Variants in TENM3 observed in about 807,000 individuals in gnomAD.
The protein encoded by TENM3 is teneurin-3.
A neutral mutation model predicts 255.1 loss-of-function variants in TENM3; 63 were observed. That is an observed-to-expected ratio of 0.25 (90% CI 0.20 to 0.30). The LOEUF (loss-of-function observed/expected upper bound fraction) is 0.30. Among genes scored for constraint, TENM3 ranks in the 10% least tolerant of loss-of-function variants. The pLI, the probability that TENM3 is intolerant of heterozygous loss-of-function variation, is 1.00. For missense variants in TENM3, 2,929 were observed against 3,461.1 expected (o/e 0.85, Z 3.86); for synonymous variants, 1,306 against 1,322.3 (o/e 0.99, Z 0.27).
the TENM3 span, among the ~76,000 whole-genome samples, chr4:181,518,299 G>GT: frequency 4.6e-5 from 7 of 151,692 alleles, no homozygotes; most frequent in South Asian, 2.1e-4. Context: ...CAGCATGTGG[G>GT]GTTTTTTTTT....
At chr4:182,564,169 C>T (rs1284049382) in intron 3 of TENM3, among the ~76,000 whole-genome samples, 1 of 152,140 alleles carries the variant, frequency 6.6e-6, no homozygotes, top group African/African-American at 2.4e-5. Flanking sequence ...GATAGGGATT[C>T]ACTGCTTTCT....
intron 22 of TENM3, among the ~76,000 whole-genome samples, chr4:182,756,850 C>A (rs760218415): frequency 6.6e-6 from 1 of 152,138 alleles, no homozygotes; most frequent in Non-Finnish European, 1.5e-5. Context: ...ATTCCTTTTG[C>A]TCATTTTAGT....
intron 24 of TENM3, among the ~76,000 whole-genome samples, chr4:182,788,476 A>T (rs1765855526): frequency 6.6e-6 from 1 of 152,204 alleles, no homozygotes; most frequent in Non-Finnish European, 1.5e-5. Context: ...GATCATGTGT[A>T]TGTGTTAGTA....
intron 12 of TENM3, among the ~76,000 whole-genome samples, chr4:182,705,160 AT>A (rs1396195820): frequency 6.6e-6 from 1 of 152,196 alleles, no homozygotes; most frequent in Non-Finnish European, 1.5e-5. Context: ...AGTGGATTTA[AT>A]ATGTACGTAT....
chr4:182,767,471 ATTGT>A (rs1460671290), intron 22 of TENM3, among the ~76,000 whole-genome samples: 1 of 151,940 alleles, frequency 6.6e-6, no homozygotes, highest in Non-Finnish European at 1.5e-5. Context: ...GATGGAGGGG[ATTGT>A]TTGTTTTTGT....
the TENM3 span, among the ~76,000 whole-genome samples, chr4:181,902,824 AC>A: frequency 6.6e-6 from 1 of 152,172 alleles, no homozygotes; most frequent in African/African-American, 2.4e-5. Context: ...TGTTATCCAG[AC>A]ACACATACAT....
the TENM3 span, among the ~76,000 whole-genome samples, chr4:181,637,468 A>C: frequency 6.6e-6 from 1 of 152,202 alleles, no homozygotes; most frequent in Non-Finnish European, 1.5e-5. Context: ...TGCACATGAC[A>C]GTGGCAAAAC....
At chr4:182,082,249 C>T in the TENM3 span, among the ~76,000 whole-genome samples, 31 of 152,264 alleles carry the variant, frequency 2.0e-4, no homozygotes, top group South Asian at 4.1e-4. Flanking sequence ...CTCTCCATGT[C>T]CTCACATGGC....
intron 2 of TENM3, among the ~76,000 whole-genome samples, chr4:182,333,700 C>T (rs1255401536): frequency 6.6e-6 from 1 of 152,002 alleles, no homozygotes; most frequent in Non-Finnish European, 1.5e-5. Context: ...AATTATTATT[C>T]AAAATTGTTT....
chr4:181,513,588 C>CGGGAACAAT, the TENM3 span, among the ~76,000 whole-genome samples: 58 of 152,134 alleles, frequency 3.8e-4, 1 homozygote, highest in Non-Finnish European at 7.8e-4. Flanking sequence ...TCCAGAAAGA[C>CGGGAACAAT]GGGAACAATA....
At chr4:181,868,793 G>A in the TENM3 span, among the ~76,000 whole-genome samples, 1 of 152,086 alleles carries the variant, frequency 6.6e-6, no homozygotes, top group Non-Finnish European at 1.5e-5. Flanking sequence ...AGACTTTATT[G>A]TATTTAGCAT....
chr4:181,783,285 C>T, the TENM3 span, among the ~76,000 whole-genome samples: 1 of 152,096 alleles, frequency 6.6e-6, no homozygotes, highest in Non-Finnish European at 1.5e-5. Flanking sequence ...TGAGGACTTG[C>T]TTTATGAATC....
At chr4:182,683,814 A>G (rs912772286) in intron 11 of TENM3, among the ~76,000 whole-genome samples, 1 of 152,152 alleles carries the variant, frequency 6.6e-6, no homozygotes, top group Non-Finnish European at 1.5e-5. Context: ...GGACTTTCCC[A>G]CAAGCGTGAG....
At chr4:181,469,382 C>T in the TENM3 span, among the ~76,000 whole-genome samples, 1 of 152,050 alleles carries the variant, frequency 6.6e-6, no homozygotes, top group Non-Finnish European at 1.5e-5. Flanking sequence ...ATTATTGTGG[C>T]AATTAAGAAA....
chr4:182,504,106 A>G (rs922028854), intron 3 of TENM3, among the ~76,000 whole-genome samples: 6 of 151,880 alleles, frequency 4.0e-5, no homozygotes, highest in Non-Finnish European at 8.8e-5. Context: ...ATTACTGTGT[A>G]CTCAGTACCC....
intron 1 of TENM3, among the ~76,000 whole-genome samples, chr4:182,157,737 C>T (rs901582701): frequency 3.3e-5 from 5 of 152,108 alleles, no homozygotes; most frequent in African/African-American, 1.2e-4. Context: ...CTATAGATCT[C>T]TGGAAAAAGA....
At position 182,696,798 on chromosome 4, in the gene TENM3, G is replaced by T. The variant is rs555462126; in HGVS notation, c.2221+8447G>T. ...ACTGAAAAATAAATGTTTTGTTGCG[G>T]TTTTTCTCATTCTAAATACTTTTAT... On this transcript the variant is annotated intron_variant, in intron 12 of 27. Coordinates refer to ENST00000511685, the MANE Select transcript of TENM3 (RefSeq NM_001080477.4). Among the ~76,000 whole-genome samples, 17 of 151,854 alleles carry T rather than the reference G, an allele frequency of 1.1e-4. No individual in the cohort carries two copies. In the East Asian group the frequency reaches 3.1e-3, roughly 28 times the overall value.
At chr4:181,766,891 A>G in the TENM3 span, among the ~76,000 whole-genome samples, 1 of 152,202 alleles carries the variant, frequency 6.6e-6, no homozygotes, top group Non-Finnish European at 1.5e-5. Flanking sequence ...ACAATACTCT[A>G]ATTTGAATGT....
At position 182,773,850 on chromosome 4, in the gene TENM3, T is replaced by A. The variant is rs17074057; in HGVS notation, c.5068+203T>A. 63,774 of 428,440 alleles carry A rather than the reference T, an allele frequency of 0.15. 8,898 individuals carry two copies. Among genetic ancestry groups the A allele is most frequent in the African/African-American group, 0.5 (24,517 of 49,368 alleles). The allele number at this position is 428,440 out of a possible 1,614,324, so 26.5% of individuals were successfully genotyped here. ...AAACCACATATAAGATAATCTGTCA[T>A]CCTTGGAATAGTGTCTGTTTCCATT... On this transcript the variant is annotated intron_variant, in intron 23 of 27. Transcript: ENST00000511685.
Sources: allele counts gnomAD v4.1 joint callset (sites outside exome capture counted in the v4.1 genomes callset), GRCh38; gene constraint gnomAD v4.1.1; transcripts MANE v1.5; gene names NCBI Gene and HGNC (gene_info 2026-07-23, HGNC 2026-07-21).